TSHZ3: variants seen among roughly 807,000 people sequenced by gnomAD.
TSHZ3 encodes the protein teashirt homolog 3.
Under a neutral mutation model 64.5 loss-of-function variants are expected in TSHZ3, and 10 were observed. The observed-to-expected ratio is 0.16, with a 90% confidence interval of 0.10 to 0.26. TSHZ3 has a LOEUF of 0.26. Among genes scored for constraint, TSHZ3 ranks in the 10% least tolerant of loss-of-function variants. TSHZ3 has a pLI of 1.00. For missense variants in TSHZ3, 1,242 were observed against 1,421.7 expected, an observed-to-expected ratio of 0.87 and a Z score of 2.03; for synonymous variants, 608 against 593.1, an observed-to-expected ratio of 1.03 and a Z score of -0.36.
intron 3 of TSHZ3, among the ~76,000 whole-genome samples, chr19:31,229,910 T>C (rs1599594828): frequency 6.6e-6 from 1 of 152,156 alleles, no homozygotes; most frequent in African/African-American, 2.4e-5. Context: ...AAGAAAAGAT[T>C]ATGTAGAGCC....
rs1212392413 is a variant in TSHZ3 at position 31,186,641 on chromosome 19, T to G, written n.809+18315A>C. Among the ~76,000 whole-genome samples the G allele has an allele frequency of 2.0e-5, 3 of 152,352 alleles. No homozygotes were observed. In the East Asian group the frequency reaches 5.8e-4, roughly 29 times the overall value. On this transcript the variant is annotated intron_variant and non_coding_transcript_variant, in intron 5 of 6. Coordinates refer to the TSHZ3 transcript ENST00000651361. The stretch of plus-strand genomic sequence containing the variant: ...GAACTAGTCAACTATCAAACTGTTT[T>G]TCAATTTGGTTTCACCATTTTTCAT...
chr19:31,279,149 C>T lies in TSHZ3; in HGVS notation c.644G>A (p.Arg215His), dbSNP rs772620837. Residue 215 changes from arginine to histidine, a missense_variant, in exon 2 of 2, where the codon CGC (arginine) becomes CAC (histidine). Physicochemically the swap from Arg to His is conservative, Grantham distance 29 (BLOSUM62 0). This residue lies in a region of TSHZ3 where 555 missense variants were observed against 704.0 expected (regional missense o/e 0.79). Coordinates refer to ENST00000240587, the MANE Select transcript of TSHZ3 (RefSeq NM_020856.4). This position sits in a 1 kb window ranked among gnomAD's most constrained non-coding sequence, Gnocchi z 6.4. ...GSIFTGASKF[R>H]CKDCSAAYDT... is the part of the protein sequence containing the mutation. ...GTAGGCAGCGCTGCAGTCCTTACAG[C>T]GGAACTTGCTGGCCCCCGTGAAGAT... 21 of 1,612,930 alleles carry T rather than the reference C, an allele frequency of 1.3e-5. No individual in the cohort carries two copies. The highest frequency in any genetic ancestry group is 1.7e-4 in the Middle Eastern group (1 of 6,060).
chr19:31,286,003 A>G (rs1212064881), intron 1 of TSHZ3, among the ~76,000 whole-genome samples: 2 of 152,120 alleles, frequency 1.3e-5, no homozygotes, highest in Admixed American at 1.3e-4. Context: ...AGAAGTGATC[A>G]GGGACTAGCA....
intron 1 of TSHZ3, among the ~76,000 whole-genome samples, chr19:31,296,508 G>C (rs772419166): frequency 1.3e-5 from 2 of 151,892 alleles, no homozygotes; most frequent in Non-Finnish European, 1.5e-5. Flanking sequence ...CTAATTTTTT[G>C]TATTTTTAGT....
intron 1 of TSHZ3, among the ~76,000 whole-genome samples, chr19:31,258,582 C>A (rs1975944163): frequency 6.6e-6 from 1 of 152,206 alleles, no homozygotes; most frequent in South Asian, 2.1e-4. Flanking sequence ...GTCTGTCTCC[C>A]CCACTGATCT....
intron 1 of TSHZ3, among the ~76,000 whole-genome samples, chr19:31,344,664 C>T (rs1917532196): frequency 6.6e-6 from 1 of 152,212 alleles, no homozygotes; most frequent in African/African-American, 2.4e-5. Context: ...GAGAAAGCAC[C>T]ACAAGAGGTC....
chr19:31,234,154 T>G (rs1167879259), intron 3 of TSHZ3, among the ~76,000 whole-genome samples: 3 of 152,218 alleles, frequency 2.0e-5, no homozygotes, highest in Non-Finnish European at 4.4e-5. Flanking sequence ...AACTCCCTTC[T>G]CATTTTGAAA....
At chr19:31,317,732 T>C (rs1370788987) in intron 1 of TSHZ3, among the ~76,000 whole-genome samples, 1 of 152,222 alleles carries the variant, frequency 6.6e-6, no homozygotes, top group Admixed American at 6.5e-5. Context: ...CTTGTCATCA[T>C]GCTTGGCTTT....
rs558791792 is a variant in TSHZ3 at position 31,248,881 on chromosome 19, A to C, written n.64-6006T>G. On this transcript the variant is annotated intron_variant and non_coding_transcript_variant, in intron 1 of 6. Coordinates refer to the TSHZ3 transcript ENST00000651361. ...AATGTCGGCCAAGAGAAAGGAGGAC[A>C]GTAAGACCTTTCAAAACCTTCATTT... is the stretch of plus-strand genomic sequence containing the variant. Among the ~76,000 whole-genome samples, 19 of 152,272 alleles carry C rather than the reference A, an allele frequency of 1.2e-4. No individual in the cohort carries two copies. In the East Asian group the frequency reaches 3.7e-3, roughly 29 times the overall value.
At chr19:31,323,079 T>C (rs188708345) in intron 1 of TSHZ3, among the ~76,000 whole-genome samples, 32 of 152,368 alleles carry the variant, frequency 2.1e-4, no homozygotes, top group African/African-American at 7.5e-4. Flanking sequence ...AACCTGCTTT[T>C]TTCACGCAAC....
At chr19:31,194,540 G>A (rs1276223174) in intron 5 of TSHZ3, among the ~76,000 whole-genome samples, 1 of 152,168 alleles carries the variant, frequency 6.6e-6, no homozygotes, top group Non-Finnish European at 1.5e-5. Flanking sequence ...CAGTCCAGAA[G>A]CAGAGGCTCA....
At chr19:31,224,548 A>G (rs1038393234) in intron 4 of TSHZ3, among the ~76,000 whole-genome samples, 1 of 152,218 alleles carries the variant, frequency 6.6e-6, no homozygotes, top group African/African-American at 2.4e-5. Flanking sequence ...TCTCTTAAGT[A>G]TTAATCATGC....
chr19:31,151,669 A>G (rs566533549), exon 7 of TSHZ3, among the ~76,000 whole-genome samples: 1 of 152,178 alleles, frequency 6.6e-6, no homozygotes, highest in African/African-American at 2.4e-5. Context: ...TTCAGGAAGA[A>G]CTCAGTTTTC....
intron 4 of TSHZ3, among the ~76,000 whole-genome samples, chr19:31,224,656 T>G (rs1975436186): frequency 6.6e-6 from 1 of 152,142 alleles, no homozygotes; most frequent in African/African-American, 2.4e-5. Flanking sequence ...TTGAGGACAC[T>G]CTAGATATTA....
rs1285322659 is a variant in TSHZ3 at position 31,276,099 on chromosome 19, A to G, written c.*448T>C. 1 of 153,322 alleles carries G rather than the reference A, an allele frequency of 6.5e-6. No individual in the cohort carries two copies. Among genetic ancestry groups the G allele is most frequent in the Admixed American group, 6.5e-5 (1 of 15,300 alleles). 9.5% of individuals were successfully genotyped at this position (153,322 alleles called of 1,614,324 possible). On this transcript the variant is annotated 3_prime_UTR_variant, in exon 2 of 2. Coordinates refer to ENST00000240587, the MANE Select transcript of TSHZ3 (RefSeq NM_020856.4). ...GAGTTTAAAAAACAGAGCTTCATAC[A>G]TTATTATTATTTTATTTTATTTTTT... is the stretch of plus-strand genomic sequence containing the variant.
At chr19:31,207,654 A>G (rs375852241) in intron 4 of TSHZ3, 1 of 152,220 alleles carries the variant, frequency 6.6e-6, no homozygotes, top group East Asian at 1.9e-4. Flanking sequence ...AATTGAGTCA[A>G]GTCTCCTGAT....
At chr19:31,169,460 G>A (rs181070363) in intron 5 of TSHZ3, among the ~76,000 whole-genome samples, 1 of 152,156 alleles carries the variant, frequency 6.6e-6, no homozygotes, top group Non-Finnish European at 1.5e-5. Flanking sequence ...GAAGAAGGGG[G>A]AATGGAGAAT....
At chr19:31,304,566 A>G (rs1008370458) in intron 1 of TSHZ3, among the ~76,000 whole-genome samples, 11 of 152,256 alleles carry the variant, frequency 7.2e-5, no homozygotes, top group Non-Finnish European at 1.6e-4. Context: ...GTATAATTAA[A>G]TTAATCATCA....
intron 5 of TSHZ3, among the ~76,000 whole-genome samples, chr19:31,177,195 T>A (rs901717612): frequency 5.3e-5 from 8 of 152,202 alleles, no homozygotes; most frequent in Admixed American, 5.2e-4. Flanking sequence ...GATGCATCAA[T>A]GGACCATGGC....
Sources: gnomAD v4.1 joint callset for allele counts (sites outside exome capture counted in the v4.1 genomes callset) on GRCh38, gnomAD v4.1.1 for gene constraint, gnomAD v4.1.1 regional missense constraint, Gnocchi (gnomAD v3.1) non-coding constraint, MANE v1.5 for transcripts, NCBI Gene and HGNC (gene_info 2026-07-23, HGNC 2026-07-21) for gene names.